TASP1: variants seen among roughly 807,000 people sequenced by gnomAD.
The protein encoded by TASP1 is threonine aspartase 1.
A neutral mutation model predicts 56.6 loss-of-function variants in TASP1; 16 were observed. That is an observed-to-expected ratio of 0.28 (90% CI 0.19 to 0.43). TASP1 has a LOEUF of 0.43. TASP1 is among the 20% of genes least tolerant of loss of function. The pLI is 1.00. For missense variants in TASP1, 393 were observed against 511.6 expected, an observed-to-expected ratio of 0.77 and a Z score of 2.24; for synonymous variants, 179 against 184.2, an observed-to-expected ratio of 0.97 and a Z score of 0.23.
the TASP1 span, among the ~76,000 whole-genome samples, chr20:13,169,905 G>T: frequency 1.3e-5 from 2 of 152,088 alleles, no homozygotes; most frequent in African/African-American, 4.8e-5. Context: ...CTAAAAGGAA[G>T]GGGTGTCTTA....
the TASP1 span, among the ~76,000 whole-genome samples, chr20:13,217,671 A>C: frequency 6.6e-6 from 1 of 152,212 alleles, no homozygotes; most frequent in African/African-American, 2.4e-5. Context: ...AGGAAAGGTA[A>C]TCTATTACTT....
rs534012704 is a variant in TASP1 at position 13,541,752 on chromosome 20, A to C, written c.676-7611T>G. Among the ~76,000 whole-genome samples, 5 of 152,274 alleles carry C rather than the reference A, an allele frequency of 3.3e-5. No homozygotes were observed. The South Asian group carries it at 1.0e-3, about 32-fold the overall frequency. ...TGTTGAATGGATGAATAAATAAATA[A>C]ATGATATATTTCATGAAGAAGGGAA... On this transcript the variant is annotated intron_variant, in intron 8 of 13. Coordinates refer to ENST00000337743, the MANE Select transcript of TASP1 (RefSeq NM_017714.3).
intron 13 of TASP1, among the ~76,000 whole-genome samples, chr20:13,404,655 A>T (rs1000868693): frequency 6.6e-6 from 1 of 152,218 alleles, no homozygotes; most frequent in Non-Finnish European, 1.5e-5. Context: ...AAATAGGATG[A>T]TTTTATGAGG....
chr20:13,261,255 A>C, the TASP1 span, among the ~76,000 whole-genome samples: 32 of 152,192 alleles, frequency 2.1e-4, no homozygotes, highest in African/African-American at 7.7e-4. Flanking sequence ...CTCTACTAAA[A>C]ATATAAAAAA....
intron 6 of TASP1, among the ~76,000 whole-genome samples, chr20:13,576,379 AAG>A (rs1167471681): frequency 1.1e-4 from 16 of 148,978 alleles, no homozygotes; most frequent in Non-Finnish European, 1.8e-4. Context: ...GAAAGAAAGA[AAG>A]AAAGAAAGAA....
the TASP1 span, among the ~76,000 whole-genome samples, chr20:13,335,334 A>G: frequency 2.7e-4 from 39 of 146,782 alleles, no homozygotes; most frequent in Admixed American, 1.6e-3. Context: ...GCACACACAC[A>G]CACACACACA....
the TASP1 span, among the ~76,000 whole-genome samples, chr20:13,124,300 A>C: frequency 6.6e-6 from 1 of 151,942 alleles, no homozygotes; most frequent in Non-Finnish European, 1.5e-5. Flanking sequence ...TGCTGGAAGG[A>C]AAGATGGAAG....
At chr20:13,108,929 G>T in the TASP1 span, among the ~76,000 whole-genome samples, 1 of 152,150 alleles carries the variant, frequency 6.6e-6, no homozygotes, top group African/African-American at 2.4e-5. Context: ...ATTAAGATTG[G>T]ATTCTGGACC....
the TASP1 span, among the ~76,000 whole-genome samples, chr20:13,326,819 A>T: frequency 6.6e-6 from 1 of 152,206 alleles, no homozygotes; most frequent in African/African-American, 2.4e-5. Context: ...ACCTCAAAAT[A>T]ATAAGAGCCA....
chr20:13,285,269 T>C, the TASP1 span, among the ~76,000 whole-genome samples: 4 of 151,862 alleles, frequency 2.6e-5, no homozygotes, highest in African/African-American at 9.7e-5. Flanking sequence ...CCAGCCTAGG[T>C]GACAGAGTGA....
At chr20:13,530,116 A>G (rs2045163419) in intron 9 of TASP1, among the ~76,000 whole-genome samples, 2 of 152,132 alleles carry the variant, frequency 1.3e-5, no homozygotes, top group African/African-American at 4.8e-5. Context: ...CTGTTCCCCA[A>G]GACTCTGCGA....
the TASP1 span, among the ~76,000 whole-genome samples, chr20:13,156,614 T>G: frequency 6.6e-6 from 1 of 152,230 alleles, no homozygotes; most frequent in Admixed American, 6.5e-5. Context: ...CCATACAGCA[T>G]TTGGCATGTT....
At chr20:13,553,495 A>G (rs1211821907) in intron 8 of TASP1, among the ~76,000 whole-genome samples, 1 of 152,170 alleles carries the variant, frequency 6.6e-6, no homozygotes, top group Non-Finnish European at 1.5e-5. Flanking sequence ...TCACAATATA[A>G]TACTACAGCT....
the TASP1 span, among the ~76,000 whole-genome samples, chr20:13,217,647 G>T: frequency 2.0e-5 from 3 of 152,150 alleles, no homozygotes; most frequent in African/African-American, 7.2e-5. Context: ...GACACCTATA[G>T]TACAAGCACT....
intron 7 of TASP1, among the ~76,000 whole-genome samples, chr20:13,561,116 T>G (rs2046330432): frequency 6.6e-6 from 1 of 152,150 alleles, no homozygotes; most frequent in South Asian, 2.1e-4. Context: ...CAAACGATCC[T>G]TCAAAAATGA....
intron 4 of TASP1, among the ~76,000 whole-genome samples, chr20:13,617,402 C>G (rs1337991133): frequency 2.0e-5 from 3 of 152,102 alleles, no homozygotes; most frequent in Non-Finnish European, 4.4e-5. Context: ...ACTCCCCTTA[C>G]AGAGAATAAA....
chr20:13,360,091 G>A, the TASP1 span, among the ~76,000 whole-genome samples: 9 of 151,810 alleles, frequency 5.9e-5, no homozygotes, highest in Non-Finnish European at 8.8e-5. Flanking sequence ...CAGGATCTGC[G>A]CCTTATCGAC....
At chr20:13,590,733 G>A (rs2047498752) in intron 4 of TASP1, among the ~76,000 whole-genome samples, 1 of 151,960 alleles carries the variant, frequency 6.6e-6, no homozygotes, top group Non-Finnish European at 1.5e-5. Flanking sequence ...GGGCATGGTG[G>A]TGCTCACCTG....
chr20:13,617,911 G>A (rs57030502), intron 4 of TASP1, among the ~76,000 whole-genome samples: 1 of 152,058 alleles, frequency 6.6e-6, no homozygotes, highest in African/African-American at 2.4e-5. Flanking sequence ...ATGACCACTA[G>A]GCATTTCAAG....
Sources: allele counts gnomAD v4.1 joint callset (sites outside exome capture counted in the v4.1 genomes callset), GRCh38; gene constraint gnomAD v4.1.1; transcripts MANE v1.5; gene names NCBI Gene and HGNC (gene_info 2026-07-23, HGNC 2026-07-21).